The following FNDC3B variants were observed in gnomAD, a reference collection of about 807,000 sequenced individuals.
FNDC3B encodes the protein fibronectin type III domain-containing protein 3B.
A neutral mutation model predicts 151.5 loss-of-function variants in FNDC3B; 12 were observed. That is an observed-to-expected ratio of 0.08 (90% CI 0.05 to 0.13). FNDC3B has a LOEUF of 0.13. Ranked by LOEUF, FNDC3B falls within the 10% of genes least tolerant of loss-of-function variation. FNDC3B has a pLI of 1.00. For missense variants in FNDC3B, 1,214 were observed against 1,505.3 expected (o/e 0.81, Z 3.20); for synonymous variants, 528 against 549.0 (o/e 0.96, Z 0.54).
chr3:172,310,800 T>TGTGAA, intron 10 of FNDC3B, 28 bp from the exon 11 acceptor site: 1 of 1,570,612 alleles, frequency 6.4e-7, no homozygotes. Flanking sequence ...AACAACTTTC[T>TGTGAA]CTAATCTCAT....
chr3:172,288,004 G>A (rs1730116247), intron 7 of FNDC3B, among the ~76,000 whole-genome samples: 1 of 152,214 alleles, frequency 6.6e-6, no homozygotes, highest in South Asian at 2.1e-4. Flanking sequence ...AGGCCGTTCT[G>A]TACCCATCGC....
chr3:172,340,319 T>C (rs1733234374), intron 16 of FNDC3B, among the ~76,000 whole-genome samples: 1 of 147,134 alleles, frequency 6.8e-6, no homozygotes, highest in South Asian at 2.2e-4. Context: ...AGAGTTTCAC[T>C]CTGTCGCCCA....
chr3:172,266,363 G>T (rs984533949), intron 6 of FNDC3B, among the ~76,000 whole-genome samples: 1 of 152,134 alleles, frequency 6.6e-6, no homozygotes, highest in African/African-American at 2.4e-5. Context: ...CCATAGAGAT[G>T]GGGTCTTGCC....
intron 11 of FNDC3B, among the ~76,000 whole-genome samples, chr3:172,312,042 C>T (rs1337426283): frequency 2.0e-5 from 3 of 152,044 alleles, no homozygotes; most frequent in South Asian, 4.1e-4. Context: ...AGCTAGCCTT[C>T]GTGACTTAAA....
chr3:172,287,759 G>A (rs1427327991), intron 7 of FNDC3B, among the ~76,000 whole-genome samples: 3 of 152,208 alleles, frequency 2.0e-5, no homozygotes, highest in Non-Finnish European at 2.9e-5. Context: ...GATGGCTCTA[G>A]CAAGACAAAA....
chr3:172,111,552 T>C (rs987827286), intron 1 of FNDC3B, among the ~76,000 whole-genome samples: 2 of 152,206 alleles, frequency 1.3e-5, no homozygotes, highest in Non-Finnish European at 2.9e-5. Flanking sequence ...CTATTTAAAG[T>C]AAAAAAGTTT....
chr3:172,149,282 A>G (rs1243094648), intron 3 of FNDC3B, among the ~76,000 whole-genome samples: 1 of 152,166 alleles, frequency 6.6e-6, no homozygotes, highest in Non-Finnish European at 1.5e-5. Flanking sequence ...TAGATTCTTA[A>G]ATTTTCTCTT....
At position 172,367,514 on chromosome 3, in the gene FNDC3B, G is replaced by GA. The variant is rs1446330161; in HGVS notation, c.3008+4674dup. 2.0e-5 allele frequency among the ~76,000 whole-genome samples: 3 copies of GA among 152,308 alleles called. No homozygotes were observed. In the East Asian group the frequency reaches 5.8e-4, roughly 29 times the overall value. ...TGTCTTTGGTTCCCGTGTTATACAAGAAAAATATATCTCCAAAGTAAACAT... is the reference window on the plus strand; with the variant it reads ...TGTCTTTGGTTCCCGTGTTATACAAGAAAAAATATATCTCCAAAGTAAACAT... On this transcript the variant is annotated intron_variant, in intron 23 of 25. Transcript: ENST00000415807.
chr3:172,206,278 T>C (rs551052371), intron 3 of FNDC3B, among the ~76,000 whole-genome samples: 1 of 152,328 alleles, frequency 6.6e-6, no homozygotes, highest in South Asian at 2.1e-4. Context: ...GGTCATATGG[T>C]TCCATTGCTA....
At chr3:172,123,119 G>T (rs1030609090) in intron 2 of FNDC3B, among the ~76,000 whole-genome samples, 4 of 152,190 alleles carry the variant, frequency 2.6e-5, no homozygotes, top group African/African-American at 4.8e-5. Context: ...GCTCACTGCA[G>T]CCTCAACCTT....
chr3:172,272,199 A>G (rs1465255023), intron 6 of FNDC3B, among the ~76,000 whole-genome samples: 4 of 152,226 alleles, frequency 2.6e-5, no homozygotes, highest in Non-Finnish European at 5.9e-5. Flanking sequence ...TATAATAGCT[A>G]TAAGAGAGTG....
intron 6 of FNDC3B, among the ~76,000 whole-genome samples, chr3:172,258,650 T>C (rs538837801): frequency 6.6e-6 from 1 of 152,326 alleles, no homozygotes; most frequent in Admixed American, 6.5e-5. Flanking sequence ...GCTTGGGCTC[T>C]GGGAGGGCAT....
chr3:172,104,556 T>G (rs997830559), intron 1 of FNDC3B, among the ~76,000 whole-genome samples: 1 of 152,180 alleles, frequency 6.6e-6, no homozygotes, highest in Non-Finnish European at 1.5e-5. Flanking sequence ...ACAGGAGCGA[T>G]TAGCTCAAGG....
At chr3:172,265,271 AGCTGTTGGTAT>A in intron 6 of FNDC3B, among the ~76,000 whole-genome samples, 1 of 152,294 alleles carries the variant, frequency 6.6e-6, no homozygotes, top group Non-Finnish European at 1.5e-5. Context: ...TCTGTGTCTC[AGCTGTTGGTAT>A]GCTAGAATTT....
Position 172,247,614 on chromosome 3 carries a change from G to A in FNDC3B, c.346G>A (p.Ala116Thr). Residue 116 changes from alanine (A) to threonine (T), a missense_variant, in exon 5 of 26, where the codon GCC (alanine) becomes ACC (threonine). Transcript: ENST00000415807. ...GTGTTATCCCCCAAGCTACCCCTCA[G>A]CCATGTCTCCAACCCATCATCTCCC... is the stretch of plus-strand genomic sequence containing the variant. ...PECYPPSYPS[A>T]MSPTHHLPPY... The A allele has an allele frequency of 1.9e-6, 3 of 1,614,014 alleles. No individual in the cohort carries two copies. The highest frequency in any genetic ancestry group is 2.5e-6 in the Non-Finnish European group (3 of 1,179,974).
intron 25 of FNDC3B, among the ~76,000 whole-genome samples, chr3:172,384,437 T>C (rs779885785): frequency 6.6e-6 from 1 of 152,218 alleles, no homozygotes; most frequent in Admixed American, 6.5e-5. Flanking sequence ...TTAGCTCAAA[T>C]AGAGAGCAGA....
In FNDC3B at chr3:172,265,511, T is replaced by A. The variant is rs1347142770; in HGVS notation, c.790+13970T>A. ...GAAGGAATAAAATGAGTGCCCAAGA[T>A]GTTTACTTGAAATGGTGGCTAGAGT... is the stretch of plus-strand genomic sequence containing the variant. On this transcript the variant is annotated intron_variant, in intron 6 of 25. Coordinates refer to ENST00000415807, the MANE Select transcript of FNDC3B (RefSeq NM_022763.4). 3.9e-5 allele frequency among the ~76,000 whole-genome samples: 6 copies of A among 152,202 alleles called. No homozygotes were observed. The East Asian group carries it at 1.2e-3, about 29-fold the overall frequency.
At chr3:172,308,622 G>A (rs1031953059) in intron 10 of FNDC3B, among the ~76,000 whole-genome samples, 4 of 152,160 alleles carry the variant, frequency 2.6e-5, no homozygotes, top group African/African-American at 9.7e-5. Flanking sequence ...CCTCTTAGGT[G>A]GGCAGCTGCA....
chr3:172,376,627 A>G (rs1735153718), intron 23 of FNDC3B, among the ~76,000 whole-genome samples: 1 of 152,192 alleles, frequency 6.6e-6, no homozygotes, highest in South Asian at 2.1e-4. Flanking sequence ...ATGTGTCAAG[A>G]GTGCTAAATA....
Sources: allele counts gnomAD v4.1 joint callset (sites outside exome capture counted in the v4.1 genomes callset), GRCh38; gene constraint gnomAD v4.1.1; transcripts MANE v1.5; gene names NCBI Gene and HGNC (gene_info 2026-07-23, HGNC 2026-07-21).